Variants in MSRA observed in about 807,000 individuals in gnomAD.
MSRA encodes methionine sulfoxide reductase A, also known as mitochondrial peptide methionine sulfoxide reductase.
A neutral mutation model predicts 31.3 loss-of-function variants in MSRA; 54 were observed. The ratio of observed to expected loss-of-function variants is 1.73; its 90% CI spans 1.39 to 2.17. The LOEUF (loss-of-function observed/expected upper bound fraction) is 2.17. MSRA is among the 30% of genes most tolerant of loss of function. The pLI, the probability that MSRA is intolerant of heterozygous loss-of-function variation, is 0.00. For synonymous variants in MSRA, 169 were observed against 116.5 expected, an observed-to-expected ratio of 1.45 and a Z score of -2.90; for missense variants, 507 against 300.9, an observed-to-expected ratio of 1.69 and a Z score of -5.07.
At chr8:10,113,753 A>G (rs1563110411) in intron 1 of MSRA, among the ~76,000 whole-genome samples, 1 of 151,524 alleles carries the variant, frequency 6.6e-6, no homozygotes, top group Admixed American at 6.6e-5. Context: ...TAAGCAGCCC[A>G]GGTATTTGCA....
chr8:10,203,454 G>C (rs910665874), intron 1 of MSRA, among the ~76,000 whole-genome samples: 33 of 152,216 alleles, frequency 2.2e-4, no homozygotes, highest in African/African-American at 7.7e-4. Context: ...AAGGGATTAT[G>C]TATATGATGG....
chr8:10,284,929 C>T (rs1799853658), intron 3 of MSRA, among the ~76,000 whole-genome samples: 1 of 151,702 alleles, frequency 6.6e-6, no homozygotes, highest in African/African-American at 2.4e-5. Flanking sequence ...AGTTTTGCAT[C>T]TTCAAAATCT....
At chr8:10,072,264 G>T (rs973521725) in intron 1 of MSRA, among the ~76,000 whole-genome samples, 20 of 151,680 alleles carry the variant, frequency 1.3e-4, no homozygotes, top group African/African-American at 4.6e-4. Context: ...GCCACTGAGT[G>T]GGGGCTGAAA....
intron 5 of MSRA, among the ~76,000 whole-genome samples, chr8:10,398,340 G>T (rs1807231780): frequency 1.3e-5 from 2 of 152,270 alleles, no homozygotes; most frequent in South Asian, 4.1e-4. Context: ...CCACCCACTG[G>T]TCCTAGCTCA....
chr8:10,261,412 A>C (rs1052881028), intron 3 of MSRA, among the ~76,000 whole-genome samples: 1 of 150,462 alleles, frequency 6.6e-6, no homozygotes, highest in Non-Finnish European at 1.5e-5. Context: ...AAAAGACTAT[A>C]AGGCCAGATG....
chr8:10,377,418 G>A (rs1359208271), intron 5 of MSRA, among the ~76,000 whole-genome samples: 1 of 152,246 alleles, frequency 6.6e-6, no homozygotes, highest in African/African-American at 2.4e-5. Flanking sequence ...TAGCAGATAA[G>A]CCAAAGTGTA....
chr8:10,188,579 C>T (rs1169645536), intron 1 of MSRA, among the ~76,000 whole-genome samples: 2 of 152,172 alleles, frequency 1.3e-5, no homozygotes, highest in African/African-American at 4.8e-5. Context: ...AGTTAATTGT[C>T]GTATAAGGTT....
At chr8:10,097,690 A>C (rs1485811750) in intron 1 of MSRA, among the ~76,000 whole-genome samples, 1 of 152,104 alleles carries the variant, frequency 6.6e-6, no homozygotes, top group Non-Finnish European at 1.5e-5. Flanking sequence ...TTGCTAGCTG[A>C]TTTCTTAACT....
chr8:10,396,861 C>T (rs1807128141), intron 5 of MSRA, among the ~76,000 whole-genome samples: 1 of 152,216 alleles, frequency 6.6e-6, no homozygotes, highest in African/African-American at 2.4e-5. Flanking sequence ...GTAAAGCCTT[C>T]CCTGAGCCTC....
At chr8:10,116,284 A>C (rs764753090) in intron 1 of MSRA, among the ~76,000 whole-genome samples, 2 of 152,194 alleles carry the variant, frequency 1.3e-5, no homozygotes, top group Non-Finnish European at 2.9e-5. Flanking sequence ...CTCATTAGCT[A>C]TCGTTAGTGT....
At chr8:10,355,880 T>C (rs1395140911) in intron 5 of MSRA, among the ~76,000 whole-genome samples, 1 of 152,176 alleles carries the variant, frequency 6.6e-6, no homozygotes, top group Admixed American at 6.5e-5. Flanking sequence ...GGAGTGACTT[T>C]GTTCCATAGG....
intron 1 of MSRA, among the ~76,000 whole-genome samples, chr8:10,078,687 C>G (rs1798122848): frequency 6.6e-6 from 1 of 152,256 alleles, no homozygotes; most frequent in Non-Finnish European, 1.5e-5. Flanking sequence ...GAAATGGTAG[C>G]TGGTCCCAAG....
intron 3 of MSRA, among the ~76,000 whole-genome samples, chr8:10,290,284 G>C (rs1800161013): frequency 1.3e-5 from 2 of 152,172 alleles, no homozygotes. Flanking sequence ...TGGATTTCTA[G>C]CAATTAGGAC....
intron 2 of MSRA, among the ~76,000 whole-genome samples, chr8:10,216,034 A>G (rs1585190554): frequency 6.6e-6 from 1 of 152,344 alleles, no homozygotes; most frequent in Middle Eastern, 3.4e-3. Context: ...AAAGGAAAAA[A>G]GTTACTCATT....
rs747894130 is a variant in MSRA at position 10,245,110 on chromosome 8, G to A, written c.218G>A (p.Gly73Glu). ...TTCTTTTTTCTTTTTTAAGGAATGG[G>A]ATGTTTCTGGGGAGCTGAAAGGAAA... ...EGTQMAVFGM[G>E]CFWGAERKFW... Residue 73 changes from glycine to glutamate, a missense_variant, in exon 3 of 6, where the codon GGA becomes GAA. Coordinates refer to ENST00000317173, the MANE Select transcript of MSRA (RefSeq NM_012331.5). 1 of 1,611,932 alleles carries A rather than the reference G, an allele frequency of 6.2e-7. No individual in the cohort carries two copies. The highest frequency in any genetic ancestry group is 8.5e-7 in the Non-Finnish European group (1 of 1,179,298).
chr8:10,313,929 A>ATT (rs1449883164), intron 4 of MSRA, among the ~76,000 whole-genome samples: 2 of 152,220 alleles, frequency 1.3e-5, no homozygotes, highest in Non-Finnish European at 2.9e-5. Flanking sequence ...TGGCTTCTTA[A>ATT]TCAATAGTGA....
intron 5 of MSRA, among the ~76,000 whole-genome samples, chr8:10,348,065 A>G (rs1803895801): frequency 6.6e-6 from 1 of 152,206 alleles, no homozygotes; most frequent in Non-Finnish European, 1.5e-5. Context: ...TTGCATCTAG[A>G]ATAACCCTCA....
chr8:10,101,108 A>G (rs1799501910), intron 1 of MSRA, among the ~76,000 whole-genome samples: 1 of 152,206 alleles, frequency 6.6e-6, no homozygotes, highest in Non-Finnish European at 1.5e-5. Context: ...GTCTTGGGTT[A>G]GAGATAATGT....
intron 1 of MSRA, among the ~76,000 whole-genome samples, chr8:10,149,435 T>C (rs941407698): frequency 1.3e-5 from 2 of 152,198 alleles, no homozygotes; most frequent in Non-Finnish European, 2.9e-5. Context: ...AGAAATTCTT[T>C]ATGCAACTTC....
Sources: gnomAD v4.1 joint callset for allele counts (sites outside exome capture counted in the v4.1 genomes callset) on GRCh38, gnomAD v4.1.1 for gene constraint, MANE v1.5 for transcripts, NCBI Gene and HGNC (gene_info 2026-07-23, HGNC 2026-07-21) for gene names.